DTNBP1: variants seen among roughly 807,000 people sequenced by gnomAD.
The protein encoded by DTNBP1 is dystrobrevin binding protein 1.
A neutral mutation model predicts 42.8 loss-of-function variants in DTNBP1; 35 were observed. That is an observed-to-expected ratio of 0.82 (90% CI 0.63 to 1.09). The LOEUF (loss-of-function observed/expected upper bound fraction) is 1.09, where lower values mean the gene tolerates loss of function less well. DTNBP1 is among the 50% of genes least tolerant of loss of function. DTNBP1 has a pLI of 0.00. For synonymous variants in DTNBP1, 171 were observed against 162.2 expected, an observed-to-expected ratio of 1.05 and a Z score of -0.41; for missense variants, 457 against 424.2, an observed-to-expected ratio of 1.08 and a Z score of -0.68.
Position 15,651,457 on chromosome 6 carries a change from T to C in DTNBP1, c.111-94A>G, listed in dbSNP as rs535892077. On this transcript the variant is annotated intron_variant, in intron 2 of 9. Transcript: ENST00000344537. ...ACAAGAATTTTGACATTGTCAATTG[T>C]AATATATTTTAAAATCACTAATGAC... The C allele has an allele frequency of 4.0e-4, 600 of 1,493,026 alleles. 3 individuals carry two copies. Among genetic ancestry groups the C allele is most frequent in the East Asian group, 4.5e-4 (20 of 44,018 alleles). 92.5% of individuals were successfully genotyped at this position (1,493,026 alleles called of 1,614,324 possible). A position where few individuals can be genotyped will look rare whatever the true frequency, so the allele number is the denominator to read the frequency against.
chr6:15,524,229 A>G (rs1245244903), intron 9 of DTNBP1: 15 of 1,552,562 alleles, frequency 9.7e-6, no homozygotes, highest in Non-Finnish European at 1.3e-5. Context: ...CACAAGGAGC[A>G]GACTCAAATG....
intron 6 of DTNBP1, among the ~76,000 whole-genome samples, chr6:15,602,370 G>C (rs201209220): frequency 6.6e-6 from 1 of 152,184 alleles, no homozygotes; most frequent in Non-Finnish European, 1.5e-5. Context: ...TGTCAGAGCA[G>C]GTATGGCAGG....
At chr6:15,630,634 C>T (rs974432261) in intron 4 of DTNBP1, among the ~76,000 whole-genome samples, 1 of 152,098 alleles carries the variant, frequency 6.6e-6, no homozygotes, top group African/African-American at 2.4e-5. Flanking sequence ...AAAGCCTAGA[C>T]AGGCTGGGTG....
intron 5 of DTNBP1, among the ~76,000 whole-genome samples, chr6:15,623,714 C>T (rs536647424): frequency 1.3e-5 from 2 of 152,246 alleles, no homozygotes; most frequent in East Asian, 3.9e-4. Flanking sequence ...GATTATACTA[C>T]CCTCTAGTGG....
intron 5 of DTNBP1, among the ~76,000 whole-genome samples, chr6:15,626,535 C>T (rs1182219119): frequency 6.6e-6 from 1 of 152,142 alleles, no homozygotes; most frequent in African/African-American, 2.4e-5. Flanking sequence ...ATACAGACAG[C>T]TCCTACCTCC....
chr6:15,637,128 A>T (rs1760075428), intron 4 of DTNBP1, among the ~76,000 whole-genome samples: 1 of 152,214 alleles, frequency 6.6e-6, no homozygotes, highest in Non-Finnish European at 1.5e-5. Context: ...AAATTTATTT[A>T]AAGTCAGAAT....
intron 7 of DTNBP1, among the ~76,000 whole-genome samples, chr6:15,543,327 A>G (rs551402886): frequency 6.6e-6 from 1 of 152,328 alleles, no homozygotes; most frequent in Non-Finnish European, 1.5e-5. Flanking sequence ...ATTCTGGTAT[A>G]AGGTCAAAAC....
chr6:15,650,901 G>A (rs760761), intron 3 of DTNBP1, among the ~76,000 whole-genome samples: 38,804 of 151,786 alleles, frequency 0.26, 5,708 homozygotes, highest in African/African-American at 0.4. Context: ...TTATCTTGTT[G>A]TTTGTGCTTT....
chr6:15,623,535 G>C lies in DTNBP1; in HGVS notation c.355+3808C>G, dbSNP rs538505835. Among the ~76,000 whole-genome samples the C allele has an allele frequency of 2.4e-4, 36 of 152,232 alleles. 1 individual carries two copies. Among genetic ancestry groups the C allele is most frequent in the African/African-American group, 8.2e-4 (34 of 41,530 alleles). On this transcript the variant is annotated intron_variant, in intron 5 of 9. Transcript: ENST00000344537. ...TCACCATGCTACAGCCTGAACAACA[G>C]AGTGAGACTCTGTCTCTTAAAAAAA...
intron 7 of DTNBP1, among the ~76,000 whole-genome samples, chr6:15,541,611 C>T (rs1388939274): frequency 1.3e-5 from 2 of 152,114 alleles, no homozygotes; most frequent in Non-Finnish European, 2.9e-5. Flanking sequence ...CACCTCAGGC[C>T]TATGTCTTTT....
chr6:15,606,581 G>A (rs912067831), intron 6 of DTNBP1, among the ~76,000 whole-genome samples: 2 of 152,122 alleles, frequency 1.3e-5, no homozygotes, highest in Non-Finnish European at 1.5e-5. Flanking sequence ...AGCCATAGGA[G>A]CCTATTGCAG....
At chr6:15,586,253 A>T in intron 7 of DTNBP1, among the ~76,000 whole-genome samples, 1 of 152,224 alleles carries the variant, frequency 6.6e-6, no homozygotes, top group Non-Finnish European at 1.5e-5. Flanking sequence ...TTAATGTAGC[A>T]TTAGCCTAAA....
At chr6:15,662,711 G>C (rs1761721068) in intron 1 of DTNBP1, 103 bp downstream of exon 1, 1 of 1,509,510 alleles carries the variant, frequency 6.6e-7, no homozygotes, top group Admixed American at 1.7e-5. Context: ...TGCGGGACAG[G>C]ACGGACCCTG....
chr6:15,580,142 TA>T (rs1775764087), intron 7 of DTNBP1, among the ~76,000 whole-genome samples: 1 of 152,144 alleles, frequency 6.6e-6, no homozygotes, highest in African/African-American at 2.4e-5. Flanking sequence ...ACAAGTACAC[TA>T]AAACTGCAAC....
chr6:15,648,749 T>C (rs946684921), intron 3 of DTNBP1, among the ~76,000 whole-genome samples: 5 of 152,032 alleles, frequency 3.3e-5, no homozygotes, highest in African/African-American at 4.8e-5. Context: ...CATCAATAAA[T>C]AGAAAAAGCA....
At chr6:15,641,922 T>A (rs894074459) in intron 3 of DTNBP1, among the ~76,000 whole-genome samples, 11 of 152,162 alleles carry the variant, frequency 7.2e-5, no homozygotes, top group African/African-American at 2.7e-4. Flanking sequence ...CAAGAGGAAG[T>A]ATCATTACCC....
rs555192508 is a variant in DTNBP1 at position 15,580,993 on chromosome 6, A to G, written c.511+12066T>C. Among the ~76,000 whole-genome samples the G allele has an allele frequency of 3.3e-5, 5 of 152,308 alleles. No homozygotes were observed. In the South Asian group the frequency reaches 8.3e-4, roughly 25 times the overall value. On this transcript the variant is annotated intron_variant, in intron 7 of 9. Transcript: ENST00000344537. ...CTACCACGAAAAGAAAAGGTCAAGGAACTACAACTCTGAAGCCTTAGAAGG... is the reference window on the plus strand; with the variant it reads ...CTACCACGAAAAGAAAAGGTCAAGGGACTACAACTCTGAAGCCTTAGAAGG...
chr6:15,662,692 G>T lies in DTNBP1; in HGVS notation c.56+122C>A. 2.3e-6 allele frequency: 3 copies of T among 1,332,718 alleles called. No homozygotes were observed. In the East Asian group the frequency reaches 7.4e-5, roughly 33 times the overall value. The allele number at this position is 1,332,718 out of a possible 1,614,324, so 82.6% of individuals were successfully genotyped here. A position where few individuals can be genotyped will look rare whatever the true frequency, so the allele number is the denominator to read the frequency against. ...TCGTTACTTTCCTCGGCGGGGCGGG[G>T]CGGGGAGGTGCGGGACAGGACGGAC... On this transcript the variant is annotated intron_variant, in intron 1 of 9. Coordinates refer to ENST00000344537, the MANE Select transcript of DTNBP1 (RefSeq NM_032122.5).
At chr6:15,582,937 C>T (rs542387338) in intron 7 of DTNBP1, among the ~76,000 whole-genome samples, 2 of 152,266 alleles carry the variant, frequency 1.3e-5, no homozygotes, top group South Asian at 4.1e-4. Context: ...ACACCATTTT[C>T]CTTCTCAAAT....
Sources: gnomAD v4.1 joint callset for allele counts (sites outside exome capture counted in the v4.1 genomes callset) on GRCh38, gnomAD v4.1.1 for gene constraint, MANE v1.5 for transcripts, NCBI Gene and HGNC (gene_info 2026-07-23, HGNC 2026-07-21) for gene names.